CA8: variants seen among roughly 807,000 people sequenced by gnomAD.
The protein encoded by CA8 is carbonic anhydrase-related protein.
A neutral mutation model predicts 41.4 loss-of-function variants in CA8; 22 were observed. That is an observed-to-expected ratio of 0.53 (90% confidence interval 0.38 to 0.76). The LOEUF (loss-of-function observed/expected upper bound fraction) is 0.76. Among genes scored for constraint, CA8 ranks in the 30% least tolerant of loss-of-function variants. The probability of loss-of-function intolerance (pLI) is 0.00; values close to 1 mark genes in which losing one functional copy is unlikely to be tolerated. For synonymous variants in CA8, 121 were observed against 130.6 expected, an observed-to-expected ratio of 0.93 and a Z score of 0.50; for missense variants, 270 against 352.8, an observed-to-expected ratio of 0.77 and a Z score of 1.88.
At chr8:60,270,322 C>G (rs967367866) in intron 2 of CA8, among the ~76,000 whole-genome samples, 1 of 152,218 alleles carries the variant, frequency 6.6e-6, no homozygotes, top group African/African-American at 2.4e-5. Context: ...ACCGTCAACA[C>G]AGAGGAAACC....
rs935924826 is a variant in CA8, at chr8:60,186,870, G to C, written c.*3151C>G. On this transcript the variant is annotated 3_prime_UTR_variant, in exon 9 of 9. Coordinates refer to ENST00000317995, the MANE Select transcript of CA8 (RefSeq NM_004056.6). Reference sequence around the variant, plus strand: ...AAAAACTGACAGAATTGAAGGAAGAGATTATTCAACAACAGTCAGAGAATT... The same window carrying C: ...AAAAACTGACAGAATTGAAGGAAGACATTATTCAACAACAGTCAGAGAATT... Among the ~76,000 whole-genome samples the C allele has an allele frequency of 6.6e-6, 1 of 151,994 alleles. No homozygotes were observed. The highest frequency in any genetic ancestry group is 2.1e-4 in the South Asian group (1 of 4,820).
At position 60,186,716 on chromosome 8, in the gene CA8, G is replaced by T. The variant is rs563868842; in HGVS notation, c.*3305C>A. ...AGTTGAAAGTGAAAAGATGAAAAAA[G>T]ATACATCATACAAATAGCAACTATA... is the stretch of plus-strand genomic sequence containing the variant. On this transcript the variant is annotated 3_prime_UTR_variant, in exon 9 of 9. Transcript: ENST00000317995. 2.1e-4 allele frequency among the ~76,000 whole-genome samples: 32 copies of T among 151,688 alleles called. No individual in the cohort carries two copies. Among genetic ancestry groups the T allele is most frequent in the African/African-American group, 7.0e-4 (29 of 41,418 alleles).
chr8:60,239,539 A>G (rs911710840), intron 3 of CA8, among the ~76,000 whole-genome samples: 2 of 152,218 alleles, frequency 1.3e-5, no homozygotes, highest in African/African-American at 4.8e-5. Context: ...GAAAATTTAC[A>G]AATTTGTGTT....
intron 8 of CA8, among the ~76,000 whole-genome samples, chr8:60,200,736 C>T (rs1563520570): frequency 6.6e-6 from 1 of 152,026 alleles, no homozygotes; most frequent in South Asian, 2.1e-4. Flanking sequence ...TAACTAACCA[C>T]CACAATCCTC....
At chr8:60,216,958 A>G (rs1807042056) in intron 7 of CA8, among the ~76,000 whole-genome samples, 1 of 152,154 alleles carries the variant, frequency 6.6e-6, no homozygotes, top group Non-Finnish European at 1.5e-5. Context: ...GTCTCGGTTC[A>G]CTGCAACTTC....
chr8:60,216,220 T>C (rs973633253), intron 7 of CA8, among the ~76,000 whole-genome samples: 5 of 152,256 alleles, frequency 3.3e-5, no homozygotes, highest in Non-Finnish European at 7.3e-5. Context: ...TTTTCCATTT[T>C]TACTCTGCTT....
intron 8 of CA8, among the ~76,000 whole-genome samples, chr8:60,207,686 G>C (rs1247601350): frequency 6.6e-6 from 1 of 152,154 alleles, no homozygotes; most frequent in Non-Finnish European, 1.5e-5. Flanking sequence ...CACCTCCACT[G>C]TTCCTATTCT....
intron 4 of CA8, among the ~76,000 whole-genome samples, chr8:60,227,195 G>A (rs1807471150): frequency 1.3e-5 from 2 of 151,944 alleles, no homozygotes; most frequent in African/African-American, 4.8e-5. Context: ...GGAGGGTGAG[G>A]AAGAAGAATC....
intron 1 of CA8, 67 bp downstream of exon 1, chr8:60,280,981 G>T: frequency 8.4e-7 from 1 of 1,191,244 alleles, no homozygotes; most frequent in Non-Finnish European, 1.2e-6. Flanking sequence ...CAGGACTCGA[G>T]TCCCGCGCTC....
intron 3 of CA8, among the ~76,000 whole-genome samples, chr8:60,251,183 CTG>C (rs1563370137): frequency 6.6e-6 from 1 of 152,150 alleles, no homozygotes; most frequent in Non-Finnish European, 1.5e-5. Context: ...ATGTGGCTAT[CTG>C]GGGGCAAGGT....
In CA8 at chr8:60,276,969, A is replaced by G. The variant is rs1005904948; in HGVS notation, c.292+2720T>C. On this transcript the variant is annotated intron_variant, in intron 2 of 8. Transcript: ENST00000317995. ...CCTCGTCTCTACTAAAAATACAAAA[A>G]TTAGCTTGGTGTGGTGGCGGGCGCC... Among the ~76,000 whole-genome samples the G allele has an allele frequency of 1.3e-4, 20 of 152,038 alleles. No homozygotes were observed. In the East Asian group the frequency reaches 1.4e-3, roughly 10 times the overall value.
rs1007658133 is a variant in CA8, at chr8:60,263,566, G to T, written c.417+2359C>A. On this transcript the variant is annotated intron_variant, in intron 3 of 8. Transcript: ENST00000317995. ...CAAAAAACACTGGAAAAAAAACCATGTTCCCAAAAGGGTACCTGGTCTTAC... is the reference window on the plus strand; with the variant it reads ...CAAAAAACACTGGAAAAAAAACCATTTTCCCAAAAGGGTACCTGGTCTTAC... Among the ~76,000 whole-genome samples, 3 of 152,064 alleles carry T rather than the reference G, an allele frequency of 2.0e-5. No individual in the cohort carries two copies. The East Asian group carries it at 5.8e-4, about 29-fold the overall frequency.
chr8:60,237,080 C>T (rs1444581732), intron 3 of CA8, among the ~76,000 whole-genome samples: 3 of 152,176 alleles, frequency 2.0e-5, no homozygotes, highest in African/African-American at 7.2e-5. Flanking sequence ...GGCGGCAACC[C>T]TGTGCACTTC....
intron 7 of CA8, among the ~76,000 whole-genome samples, chr8:60,218,284 G>A (rs1046709255): frequency 5.9e-5 from 9 of 151,362 alleles, no homozygotes; most frequent in Admixed American, 2.0e-4. Context: ...ATCCCATAGC[G>A]CTGGACACAG....
At chr8:60,223,327 T>C (rs574037843) in intron 6 of CA8, among the ~76,000 whole-genome samples, 2 of 152,108 alleles carry the variant, frequency 1.3e-5, no homozygotes, top group Non-Finnish European at 2.9e-5. Context: ...TCTGGCTCTA[T>C]CACCCAGGCT....
At chr8:60,279,645 G>T in intron 2 of CA8, 44 bp downstream of exon 2, 1 of 1,519,022 alleles carries the variant, frequency 6.6e-7, no homozygotes, top group South Asian at 1.1e-5. Context: ...ACTCTACGCT[G>T]ACTTCTAGTT....
In CA8 at chr8:60,187,527, T is replaced by C. The variant is rs1805998006; in HGVS notation, c.*2494A>G. 1 of 151,854 alleles carries C rather than the reference T, an allele frequency of 6.6e-6. No homozygotes were observed. The highest frequency in any genetic ancestry group is 1.5e-5 in the Non-Finnish European group (1 of 67,906). The allele number at this position is 151,854 out of a possible 1,614,324, so 9.4% of individuals were successfully genotyped here. On this transcript the variant is annotated 3_prime_UTR_variant, in exon 9 of 9. Coordinates refer to ENST00000317995, the MANE Select transcript of CA8 (RefSeq NM_004056.6). The stretch of plus-strand genomic sequence containing the variant: ...GATGACATAGAGAATACAAACACAA[T>C]AGAGAAAACCCCAAAATCCACTTTG...
At chr8:60,204,362 A>T (rs1806518969) in intron 8 of CA8, among the ~76,000 whole-genome samples, 1 of 152,230 alleles carries the variant, frequency 6.6e-6, no homozygotes, top group Admixed American at 6.5e-5. Context: ...TTGGCCCATG[A>T]CTGCAAAACA....
chr8:60,228,657 A>C (rs1276279733), intron 4 of CA8, among the ~76,000 whole-genome samples: 1 of 152,206 alleles, frequency 6.6e-6, no homozygotes, highest in Non-Finnish European at 1.5e-5. Context: ...GGAGAGGATA[A>C]AAATGATAGG....
Sources: allele counts gnomAD v4.1 joint callset (sites outside exome capture counted in the v4.1 genomes callset), GRCh38; gene constraint gnomAD v4.1.1; transcripts MANE v1.5; gene names NCBI Gene and HGNC (gene_info 2026-07-23, HGNC 2026-07-21).